The following ZNF276 variants were observed in gnomAD, a reference collection of about 807,000 sequenced individuals.
ZNF276 encodes zinc finger protein 276.
In ZNF276, 59 loss-of-function variants were observed where a neutral mutation model predicts 63.9. The ratio of observed to expected loss-of-function variants is 0.92; its 90% CI spans 0.75 to 1.15. ZNF276 has a LOEUF of 1.15. Among genes scored for constraint, ZNF276 ranks in the 50% most tolerant of loss-of-function variants. The pLI is 0.00. For missense variants in ZNF276, 1,084 were observed against 843.8 expected (o/e 1.28, Z -3.53); for synonymous variants, 496 against 348.4 (o/e 1.42, Z -4.72).
chr16:89,725,919 T>TTA (rs2061455619), intron 4 of ZNF276, among the ~76,000 whole-genome samples: 1 of 152,228 alleles, frequency 6.6e-6, no homozygotes, highest in South Asian at 2.1e-4. Context: ...AAGGCTGAGA[T>TTA]TATAAGCATG....
In ZNF276 at chr16:89,723,399, G is replaced by A; in HGVS notation, c.696G>A (p.Trp232Ter). ...ACTGCGGCGTCATCCAGGTCGTGTG[G>A]GGCTGCGACCAGGGCCACGACTACA... is the stretch of plus-strand genomic sequence containing the variant. ...SEYCGVIQVVWGCDQGHDYTM... is the reference protein window; with the variant it reads ...SEYCGVIQVV Residue 232 changes from tryptophan to a stop codon, truncating the protein, a stop_gained, in exon 4 of 11, where the codon TGG (tryptophan) becomes TGA (stop). Coordinates refer to ENST00000443381, the MANE Select transcript of ZNF276 (RefSeq NM_001113525.2). LOFTEE classifies it high-confidence loss of function. The A allele has an allele frequency of 2.5e-6, 4 of 1,612,988 alleles. No homozygotes were observed. The highest frequency in any genetic ancestry group is 3.4e-6 in the Non-Finnish European group (4 of 1,180,020).
In ZNF276 at chr16:89,723,582, C is replaced by G; in HGVS notation, c.879C>G (p.Thr293=). ...CCTCCCAGGGTAGAGGGACAGGGAC[C>G]CCAGTTGGGGCTGAGACCAAGACCC... ...PQTSQGRGTG[T]PVGAETKTLP... Residue 293 remains threonine, a synonymous_variant, in exon 4 of 11, where the codon ACC becomes ACG. Coordinates refer to ENST00000443381, the MANE Select transcript of ZNF276 (RefSeq NM_001113525.2). The G allele has an allele frequency of 1.2e-6, 2 of 1,612,824 alleles. No homozygotes were observed. Among genetic ancestry groups the G allele is most frequent in the Non-Finnish European group, 1.7e-6 (2 of 1,180,014 alleles).
chr16:89,734,024 A>C lies in ZNF276; in HGVS notation c.1460A>C (p.Lys487Thr), dbSNP rs1432472096. Residue 487 changes from lysine (K) to threonine (T), a missense_variant, in exon 9 of 11, where the codon AAG becomes ACG. Physicochemically the swap from Lys to Thr is moderately conservative, Grantham distance 78. Transcript: ENST00000443381. ...MIDRYLQRHV[K>T]LIHTEVRNYI... ...GACCGCTACCTGCAGCGCCACGTGA[A>C]GCTCATCCACACAGGTACGCCTATC... is the stretch of plus-strand genomic sequence containing the variant. 1 of 1,613,984 alleles carries C rather than the reference A, an allele frequency of 6.2e-7. No homozygotes were observed. The highest frequency in any genetic ancestry group is 8.5e-7 in the Non-Finnish European group (1 of 1,180,004).
intron 5 of ZNF276, 59 bp from the exon 6 acceptor site, chr16:89,729,176 G>C: frequency 6.9e-7 from 1 of 1,438,952 alleles, no homozygotes; most frequent in Non-Finnish European, 9.8e-7. Context: ...AGGAGGTCGT[G>C]TTGGGTCTGT....
At position 89,737,976 on chromosome 16, in the gene ZNF276, G is replaced by A. The variant is rs779094661; in HGVS notation, c.1575G>A (p.Gln525=). 5.0e-6 allele frequency: 8 copies of A among 1,614,038 alleles called. No homozygotes were observed. The highest frequency in any genetic ancestry group is 6.8e-6 in the Non-Finnish European group (8 of 1,180,038). ...QMRHSGAKPL[Q]CEVCGFQCRQ... ...CTTCTTATCTGCCTCTGTCCCCCAG[G>A]TGTGAGGTCTGTGGGTTCCAGTGCA... Residue 525 remains glutamine, a splice_region_variant and synonymous_variant, in exon 11 of 11, where the codon CAG becomes CAA. Coordinates refer to ENST00000443381, the MANE Select transcript of ZNF276 (RefSeq NM_001113525.2).
Position 89,721,846 on chromosome 16 carries a change from G to A in ZNF276, c.205+1G>A. ...GGCGAGGACGGCGCGGACGAGGCAG[G>A]TGGGTCCGCGGCCCGGGCGTGGCGG... On this transcript the variant is annotated splice_donor_variant, in intron 1 of 10. Coordinates refer to ENST00000443381, the MANE Select transcript of ZNF276 (RefSeq NM_001113525.2). LOFTEE classifies it high-confidence loss of function. The A allele has an allele frequency of 8.3e-6, 10 of 1,209,324 alleles. No individual in the cohort carries two copies. Among genetic ancestry groups the A allele is most frequent in the Non-Finnish European group, 1.0e-5 (10 of 973,734 alleles). The allele number at this position is 1,209,324 out of a possible 1,614,324, so 74.9% of individuals were successfully genotyped here. A position where few individuals can be genotyped will look rare whatever the true frequency, so the allele number is the denominator to read the frequency against.
At chr16:89,731,083 A>T (rs2061632526) in intron 6 of ZNF276, among the ~76,000 whole-genome samples, 1 of 152,202 alleles carries the variant, frequency 6.6e-6, no homozygotes, top group Non-Finnish European at 1.5e-5. Flanking sequence ...TGTGCTGAGG[A>T]GGTGAGTGGT....
In ZNF276 at chr16:89,723,392, T is replaced by A; in HGVS notation, c.689T>A (p.Val230Asp). ...TCCGAGTACTGCGGCGTCATCCAGG[T>A]CGTGTGGGGCTGCGACCAGGGCCAC... Reference protein sequence around the residue: ...LSSEYCGVIQVVWGCDQGHDY... With the variant: ...LSSEYCGVIQDVWGCDQGHDY... The change falls in exon 4 of 11, where the codon GTC becomes GAC. Residue 230 changes from valine (V) to aspartate (D), a missense_variant. By Grantham distance (152) the Val-to-Asp change is radical. Transcript: ENST00000443381. 1 of 1,612,966 alleles carries A rather than the reference T, an allele frequency of 6.2e-7. No homozygotes were observed. The highest frequency in any genetic ancestry group is 8.5e-7 in the Non-Finnish European group (1 of 1,180,012).
At position 89,733,360 on chromosome 16, in the gene ZNF276, C is replaced by T. The variant is rs201103883; in HGVS notation, c.1228C>T (p.Arg410Trp). ...EAKKSEEPRI[R>W]KKPGPKPGWK... The stretch of plus-strand genomic sequence containing the variant: ...CAAGAAGTCTGAAGAACCAAGAATT[C>T]GGAAGAAGCCGGGACCCAAGCCCGG... Residue 410 changes from arginine to tryptophan, a missense_variant, in exon 7 of 11, where the codon CGG becomes TGG. By Grantham distance (101) the Arg-to-Trp change is moderately radical. Coordinates refer to ENST00000443381, the MANE Select transcript of ZNF276 (RefSeq NM_001113525.2). 2.7e-5 allele frequency: 44 copies of T among 1,614,124 alleles called. No homozygotes were observed. Among genetic ancestry groups the T allele is most frequent in the Admixed American group, 5.0e-5 (3 of 60,026 alleles).
intron 4 of ZNF276, 58 bp downstream of exon 4, chr16:89,723,767 G>T: frequency 6.6e-7 from 1 of 1,506,124 alleles, no homozygotes; most frequent in Non-Finnish European, 8.9e-7. Context: ...GTGGGGCAGG[G>T]TTTTCAGCAG....
In ZNF276 at chr16:89,721,672, C is replaced by G. The variant is rs923311810; in HGVS notation, c.32C>G (p.Ser11Cys). MKRDRLGRFL[S>C]PGSSRQCGAS... ...CGGGACCGGCTGGGCCGCTTCCTGT[C>G]TCCTGGGTCGTCCCGACAGTGCGGG... is the stretch of plus-strand genomic sequence containing the variant. The change falls in exon 1 of 11, where the codon TCT becomes TGT. Residue 11 changes from serine to cysteine, a missense_variant. Transcript: ENST00000443381. The G allele has an allele frequency of 6.9e-7, 1 of 1,444,160 alleles. No individual in the cohort carries two copies. The highest frequency in any genetic ancestry group is 2.8e-5 in the Admixed American group (1 of 36,332). 89.5% of individuals were successfully genotyped at this position (1,444,160 alleles called of 1,614,324 possible). A position where few individuals can be genotyped will look rare whatever the true frequency, so the allele number is the denominator to read the frequency against.
Position 89,739,176 on chromosome 16 carries a change from G to A in ZNF276, c.*930G>A, listed in dbSNP as rs2062055389. 1.9e-6 allele frequency: 3 copies of A among 1,614,148 alleles called. No homozygotes were observed. The highest frequency in any genetic ancestry group is 2.5e-6 in the Non-Finnish European group (3 of 1,180,028). ...GCTCCTGCCAGCTGGAGGTGAAACT[G>A]TGCTTGTATCCCCAGCCACGAAGAG... On this transcript the variant is annotated 3_prime_UTR_variant, in exon 11 of 11. Coordinates refer to ENST00000443381, the MANE Select transcript of ZNF276 (RefSeq NM_001113525.2).
Position 89,738,325 on chromosome 16 carries a change from G to A in ZNF276, c.*79G>A, listed in dbSNP as rs1012078925. 51 of 1,508,902 alleles carry A rather than the reference G, an allele frequency of 3.4e-5. No individual in the cohort carries two copies. Among genetic ancestry groups the A allele is most frequent in the South Asian group, 7.5e-5 (6 of 79,622 alleles). The allele number at this position is 1,508,902 out of a possible 1,614,324, so 93.5% of individuals were successfully genotyped here. A position where few individuals can be genotyped will look rare whatever the true frequency, so the allele number is the denominator to read the frequency against. On this transcript the variant is annotated 3_prime_UTR_variant, in exon 11 of 11. Coordinates refer to ENST00000443381, the MANE Select transcript of ZNF276 (RefSeq NM_001113525.2). ...TCAGCCTCACCCTTCGTGTGCACCC[G>A]CATGGGAGGGTCGGAGGGTGCTGCC...
At chr16:89,731,282 C>T (rs1302556761) in intron 6 of ZNF276, among the ~76,000 whole-genome samples, 1 of 152,262 alleles carries the variant, frequency 6.6e-6, no homozygotes, top group South Asian at 2.1e-4. Flanking sequence ...GAGATGGAGT[C>T]TTGCTCTGTT....
At chr16:89,720,796 C>T (rs935589822), upstream of ZNF276, 9 of 1,460,754 alleles carry the variant, frequency 6.2e-6, no homozygotes, top group Middle Eastern at 1.9e-4. Context: ...GCTCGATGGC[C>T]CCGTTGGCAA....
At chr16:89,735,289 TG>T (rs1555531182) in intron 9 of ZNF276, among the ~76,000 whole-genome samples, 52 of 128,240 alleles carry the variant, frequency 4.1e-4, no homozygotes, top group African/African-American at 9.8e-4. Flanking sequence ...TGGTAAGGGG[TG>T]GGGGGGGGCC....
In ZNF276 at chr16:89,738,978, G is replaced by A. The variant is rs775180524; in HGVS notation, c.*732G>A. On this transcript the variant is annotated 3_prime_UTR_variant, in exon 11 of 11. Transcript: ENST00000443381. ...TTATCAGTTCCACGGGGTTGCCCTA[G>A]AGAGAAAACAGGCAAACTCACAGGT... 1.2e-6 allele frequency: 2 copies of A among 1,614,196 alleles called. No homozygotes were observed. The highest frequency in any genetic ancestry group is 2.2e-5 in the East Asian group (1 of 44,882).
chr16:89,721,473 T>C (rs976597079), upstream of ZNF276: 5 of 559,536 alleles, frequency 8.9e-6, no homozygotes, highest in Non-Finnish European at 1.4e-5. Flanking sequence ...GCCGGCGGGG[T>C]CCCGCCCCTG....
At chr16:89,734,673 G>C (rs570360607) in intron 9 of ZNF276, among the ~76,000 whole-genome samples, 3 of 152,268 alleles carry the variant, frequency 2.0e-5, no homozygotes, top group Admixed American at 1.3e-4. Context: ...ACCAGCTCTG[G>C]GGAGCTGCCC....
Sources: allele counts gnomAD v4.1 joint callset (sites outside exome capture counted in the v4.1 genomes callset), GRCh38; gene constraint gnomAD v4.1.1; transcripts MANE v1.5; gene names NCBI Gene and HGNC (gene_info 2026-07-23, HGNC 2026-07-21).